FLI1: variants seen among roughly 807,000 people sequenced by gnomAD.
FLI1 encodes Friend leukemia integration 1 transcription factor.
A neutral mutation model predicts 53.1 loss-of-function variants in FLI1; 13 were observed. The ratio of observed to expected loss-of-function variants is 0.24; its 90% CI spans 0.16 to 0.39. FLI1 has a LOEUF of 0.39. Among genes scored for constraint, FLI1 ranks in the 10% least tolerant of loss-of-function variants. The probability of loss-of-function intolerance (pLI) is 1.00; values close to 1 mark genes in which losing one functional copy is unlikely to be tolerated. For missense variants in FLI1, 424 were observed against 600.5 expected, an observed-to-expected ratio of 0.71 and a Z score of 3.07; for synonymous variants, 244 against 236.7, an observed-to-expected ratio of 1.03 and a Z score of -0.28.
chr11:128,755,750 G>C (rs1030273724), intron 1 of FLI1, among the ~76,000 whole-genome samples: 2 of 152,236 alleles, frequency 1.3e-5, no homozygotes, highest in African/African-American at 4.8e-5. Context: ...GTTAGGGCTA[G>C]GGAGATCCCC....
At chr11:128,686,299 G>C (rs1409620028), upstream of FLI1, 1 of 455,606 alleles carries the variant, frequency 2.2e-6, no homozygotes, top group Non-Finnish European at 4.4e-6. Flanking sequence ...AACAAGCTGC[G>C]GGCATCCCCA....
intron 4 of FLI1, among the ~76,000 whole-genome samples, chr11:128,773,739 C>A (rs752053253): frequency 7.3e-5 from 11 of 151,460 alleles, no homozygotes; most frequent in Admixed American, 4.6e-4. Context: ...GTAACCTCAG[C>A]CTGAGTGCCC....
At chr11:128,734,239 C>T (rs1939821525) in intron 1 of FLI1, among the ~76,000 whole-genome samples, 1 of 152,182 alleles carries the variant, frequency 6.6e-6, no homozygotes, top group African/African-American at 2.4e-5. Context: ...GCTTTGTCCT[C>T]CAATTCAGCC....
chr11:128,787,645 A>G (rs1942130352), intron 5 of FLI1, among the ~76,000 whole-genome samples: 2 of 152,206 alleles, frequency 1.3e-5, no homozygotes, highest in Non-Finnish European at 2.9e-5. Context: ...GGATAATTGT[A>G]GTGCCCCTTC....
At chr11:128,728,461 C>T (rs528548002) in intron 1 of FLI1, among the ~76,000 whole-genome samples, 1 of 152,396 alleles carries the variant, frequency 6.6e-6, no homozygotes, top group South Asian at 2.1e-4. Context: ...TGGCCTGCTG[C>T]TGGTGGTGCT....
At chr11:128,749,169 G>A (rs1183736850) in intron 1 of FLI1, among the ~76,000 whole-genome samples, 1 of 152,200 alleles carries the variant, frequency 6.6e-6, no homozygotes, top group Admixed American at 6.5e-5. Flanking sequence ...CTGCCAGCCA[G>A]TGTCAATAAC....
chr11:128,774,119 A>G lies in FLI1; in HGVS notation c.589+1134A>G, dbSNP rs538722720. Among the ~76,000 whole-genome samples the G allele has an allele frequency of 1.2e-4, 18 of 152,174 alleles. No individual in the cohort carries two copies. The East Asian group carries it at 3.5e-3, about 29-fold the overall frequency. On this transcript the variant is annotated intron_variant, in intron 4 of 8. Coordinates refer to ENST00000527786, the MANE Select transcript of FLI1 (RefSeq NM_002017.5). ...TCGTTCTGTGGACCTTTAACTCCCC[A>G]TCTTTGGAATCCACTGTCCCTTCAG...
At chr11:128,801,980 C>T (rs549136984) in intron 5 of FLI1, among the ~76,000 whole-genome samples, 5 of 152,180 alleles carry the variant, frequency 3.3e-5, no homozygotes, top group African/African-American at 1.2e-4. Context: ...GAGGGAGTTG[C>T]GGGGAGGAGG....
Position 128,737,345 on chromosome 11 carries a change from C to T in FLI1, c.19-20770C>T, listed in dbSNP as rs139008712. ...AAGCAGAAAGGAGGGTTTTTACAAA[C>T]AAGGCTTGAATGATAGACACATATG... On this transcript the variant is annotated intron_variant, in intron 1 of 8. Transcript: ENST00000527786. Among the ~76,000 whole-genome samples, 689 of 152,304 alleles carry T rather than the reference C, an allele frequency of 4.5e-3. 13 individuals carry two copies. The highest frequency in any genetic ancestry group is 0.016 in the African/African-American group (657 of 41,548).
At chr11:128,755,194 T>C (rs922586250) in intron 1 of FLI1, among the ~76,000 whole-genome samples, 5 of 152,188 alleles carry the variant, frequency 3.3e-5, no homozygotes, top group Non-Finnish European at 7.3e-5. Flanking sequence ...TTTTTGCCCA[T>C]CTATGGAGCA....
intron 1 of FLI1, among the ~76,000 whole-genome samples, chr11:128,752,879 G>A (rs892676146): frequency 4.6e-5 from 7 of 152,172 alleles, no homozygotes; most frequent in African/African-American, 1.4e-4. Flanking sequence ...CAAACTGGAG[G>A]AGAAAAAGTA....
intron 3 of FLI1, among the ~76,000 whole-genome samples, chr11:128,771,666 C>T (rs1941562685): frequency 6.6e-6 from 1 of 152,184 alleles, no homozygotes; most frequent in South Asian, 2.1e-4. Context: ...TCATTAGAAG[C>T]CGGAGGCTAA....
At chr11:128,799,713 A>C (rs1565507063) in intron 5 of FLI1, among the ~76,000 whole-genome samples, 1 of 152,136 alleles carries the variant, frequency 6.6e-6, no homozygotes, top group Non-Finnish European at 1.5e-5. Context: ...CGCGGACTCG[A>C]GCAAAGACTG....
At chr11:128,719,157 A>G (rs956586766) in intron 1 of FLI1, among the ~76,000 whole-genome samples, 2 of 152,018 alleles carry the variant, frequency 1.3e-5, no homozygotes, top group Non-Finnish European at 2.9e-5. Flanking sequence ...GGAGAGGGGA[A>G]GGCATTTTGG....
intron 1 of FLI1, among the ~76,000 whole-genome samples, chr11:128,694,938 C>G (rs1937980144): frequency 6.6e-6 from 1 of 152,164 alleles, no homozygotes; most frequent in South Asian, 2.1e-4. Flanking sequence ...ACTCCTGGGC[C>G]GGCCTCGCCG....
intron 7 of FLI1, 65 bp downstream of exon 7, chr11:128,807,304 A>G (rs1403227834): frequency 8.7e-7 from 1 of 1,154,346 alleles, no homozygotes; most frequent in Non-Finnish European, 1.2e-6. Flanking sequence ...CACATGGTCA[A>G]CTGATGGAGG....
Position 128,764,898 on chromosome 11 carries a change from C to T in FLI1, c.231-3220C>T. The T allele has an allele frequency of 2.7e-6, 4 of 1,474,666 alleles. No homozygotes were observed. The South Asian group carries it at 3.6e-5, about 13-fold the overall frequency. The allele number at this position is 1,474,666 out of a possible 1,614,324, so 91.3% of individuals were successfully genotyped here. ...GCAAGTGTGGGGAACCAGGATGGTG[C>T]CAGCCCTTCTCCCTAAGGACACCCG... is the stretch of plus-strand genomic sequence containing the variant. On this transcript the variant is annotated intron_variant, in intron 2 of 8. Transcript: ENST00000527786.
rs1376580038 is a variant in FLI1, at chr11:128,810,437, C to T, written c.830-22C>T. On this transcript the variant is annotated intron_variant, in intron 8 of 8. Coordinates refer to ENST00000527786, the MANE Select transcript of FLI1 (RefSeq NM_002017.5). This position sits in a 1 kb window ranked among gnomAD's most constrained non-coding sequence, Gnocchi z 6.6. ...CTGGGCTGAGGTGTTCTGTTCTCTC[C>T]CGTTTGCCTCACGGCGTGCAGGAAG... The T allele has an allele frequency of 6.4e-7, 1 of 1,572,690 alleles. No homozygotes were observed.
chr11:128,724,891 T>C (rs556284275), intron 1 of FLI1, among the ~76,000 whole-genome samples: 4 of 152,304 alleles, frequency 2.6e-5, no homozygotes, highest in South Asian at 2.1e-4. Flanking sequence ...CTCCTCCCAC[T>C]GGCCAAAGTG....
Sources: allele counts gnomAD v4.1 joint callset (sites outside exome capture counted in the v4.1 genomes callset), GRCh38; gene constraint gnomAD v4.1.1; non-coding constraint Gnocchi (gnomAD v3.1); transcripts MANE v1.5; gene names NCBI Gene and HGNC (gene_info 2026-07-23, HGNC 2026-07-21).